Variants in CUX1 observed in about 807,000 individuals in gnomAD.
CUX1 encodes protein CASP.
Under a neutral mutation model 158.8 loss-of-function variants are expected in CUX1, and 31 were observed. The ratio of observed to expected loss-of-function variants is 0.20; its 90% CI spans 0.15 to 0.26. The LOEUF is 0.26. CUX1 is among the 10% of genes least tolerant of loss of function. The pLI, the probability that CUX1 is intolerant of heterozygous loss-of-function variation, is 1.00. For missense variants in CUX1, 1,589 were observed against 2,014.6 expected (o/e 0.79, Z 4.04); for synonymous variants, 879 against 862.1 (o/e 1.02, Z -0.34).
At chr7:102,156,898 G>A (rs183852091) in intron 8 of CUX1, among the ~76,000 whole-genome samples, 3 of 152,196 alleles carry the variant, frequency 2.0e-5, no homozygotes, top group Non-Finnish European at 2.9e-5. Context: ...CTCACAGCGT[G>A]GGCACCCAGT....
Position 102,239,409 on chromosome 7 carries a change from C to T in CUX1, c.3712C>T (p.Pro1238Ser). The part of the protein sequence containing the change: ...VGTEYSQGAS[P>S]QPQHQLKKPR... Reference sequence around the variant, plus strand: ...CACCGAGTACAGCCAGGGCGCCAGCCCCCAGCCCCAGCACCAGCTGAAGAA... The same window carrying T: ...CACCGAGTACAGCCAGGGCGCCAGCTCCCAGCCCCAGCACCAGCTGAAGAA... Residue 1238 changes from proline (P) to serine (S), a missense_variant, in exon 23 of 24, where the codon CCC (proline) becomes TCC (serine). Around this residue, in one of 8 missense-constraint regions of CUX1, gnomAD observed 259 missense variants for 373.8 expected, o/e 0.69. Transcript: ENST00000292535. The T allele has an allele frequency of 2.5e-6, 4 of 1,613,720 alleles. No individual in the cohort carries two copies. The highest frequency in any genetic ancestry group is 2.5e-6 in the Non-Finnish European group (3 of 1,179,948).
At chr7:101,836,456 C>T (rs1794638807) in intron 1 of CUX1, among the ~76,000 whole-genome samples, 2 of 151,896 alleles carry the variant, frequency 1.3e-5, no homozygotes. Context: ...GTTGGTTGCC[C>T]CCGCGGTCCT....
At chr7:102,016,206 C>A (rs10229976) in intron 2 of CUX1, among the ~76,000 whole-genome samples, 1 of 151,722 alleles carries the variant, frequency 6.6e-6, no homozygotes, top group Non-Finnish European at 1.5e-5. Flanking sequence ...CCTTAACCTC[C>A]CAAAGTGCTG....
intron 2 of CUX1, among the ~76,000 whole-genome samples, chr7:102,005,252 C>T (rs1436477336): frequency 2.6e-5 from 4 of 152,194 alleles, no homozygotes; most frequent in Admixed American, 1.3e-4. Context: ...CTGGGCCGGG[C>T]GCGGTGGCTC....
rs528667637 is a variant in CUX1 at position 102,189,005 on chromosome 7, C to T, written c.1018-808C>T. Among the ~76,000 whole-genome samples the T allele has an allele frequency of 3.0e-4, 46 of 152,198 alleles. 1 individual carries two copies. The highest frequency in any genetic ancestry group is 1.1e-3 in the African/African-American group (46 of 41,532). On this transcript the variant is annotated intron_variant, in intron 11 of 23. Coordinates refer to ENST00000292535, the MANE Select transcript of CUX1 (RefSeq NM_181552.4). ...AGGGCCCTCCCCGCAGGACTCAGAC[C>T]AGCTGGCTGTCAGGGAAGCCACCAA...
chr7:102,158,017 TCACCTCCAGTTGGC>T (rs1358269087), intron 8 of CUX1, among the ~76,000 whole-genome samples: 2 of 152,104 alleles, frequency 1.3e-5, no homozygotes, highest in Non-Finnish European at 2.9e-5. Context: ...CCTGCCCTCC[TCACCTCCAGTTGGC>T]CACCTTCTCC....
Position 102,193,758 on chromosome 7 carries a change from C to T in CUX1, c.1077-84C>T, listed in dbSNP as rs868947736. 3.8e-5 allele frequency: 53 copies of T among 1,398,620 alleles called. No individual in the cohort carries two copies. In the Middle Eastern group the frequency reaches 5.3e-4, roughly 14 times the overall value. The allele number at this position is 1,398,620 out of a possible 1,614,324, so 86.6% of individuals were successfully genotyped here. The stretch of plus-strand genomic sequence containing the variant: ...CAGAGGTTGCAGTGAGCCAATATCG[C>T]GCCACTGCACTCTAGCCTGGGTGAC... On this transcript the variant is annotated intron_variant, in intron 12 of 23. Coordinates refer to ENST00000292535, the MANE Select transcript of CUX1 (RefSeq NM_181552.4).
chr7:102,280,321 G>C (rs1791967165), intron 19 of CUX1, among the ~76,000 whole-genome samples: 1 of 152,094 alleles, frequency 6.6e-6, no homozygotes, highest in South Asian at 2.1e-4. Flanking sequence ...GCCCCCCCAA[G>C]ACAGCCTCCC....
chr7:102,275,023 G>A (rs1161688839), intron 16 of CUX1, among the ~76,000 whole-genome samples: 2 of 152,166 alleles, frequency 1.3e-5, no homozygotes, highest in Non-Finnish European at 2.9e-5. Flanking sequence ...CCCAGCGTGC[G>A]TATTGTCAGG....
intron 20 of CUX1, among the ~76,000 whole-genome samples, chr7:102,225,580 T>C (rs1798263805): frequency 6.6e-6 from 1 of 152,138 alleles, no homozygotes; most frequent in African/African-American, 2.4e-5. Flanking sequence ...AGTAAGACCC[T>C]TGGCCAGGCA....
intron 2 of CUX1, among the ~76,000 whole-genome samples, chr7:102,020,499 C>CGT (rs1819211615): frequency 6.6e-6 from 1 of 152,202 alleles, no homozygotes; most frequent in Admixed American, 6.5e-5. Flanking sequence ...AGCTATCTAA[C>CGT]GTGACATCCA....
intron 16 of CUX1, among the ~76,000 whole-genome samples, 168 bp from the exon 17 acceptor site, chr7:102,199,903 C>T (rs947464469): frequency 6.6e-6 from 1 of 152,254 alleles, no homozygotes; most frequent in African/African-American, 2.4e-5. Flanking sequence ...TGCCCGGTGT[C>T]GCTGTGAAGT....
exon 18 of CUX1, chr7:102,278,008 C>T (rs1554548136): frequency 7.5e-6 from 12 of 1,608,352 alleles, no homozygotes; most frequent in East Asian, 2.2e-5. Flanking sequence ...ACAGCCTGCG[C>T]GCCGACAACA....
intron 23 of CUX1, among the ~76,000 whole-genome samples, chr7:102,241,710 G>A (rs1349845567): frequency 4.6e-5 from 7 of 152,248 alleles, no homozygotes; most frequent in African/African-American, 1.2e-4. Context: ...AGAACTGAGC[G>A]CACCTGCTAC....
intron 3 of CUX1, among the ~76,000 whole-genome samples, chr7:102,050,197 C>T (rs1406298705): frequency 1.3e-5 from 2 of 152,176 alleles, no homozygotes; most frequent in Non-Finnish European, 2.9e-5. Flanking sequence ...GCCAGCGTGA[C>T]CTTGAATATC....
chr7:102,120,544 T>C (rs1299987868), intron 8 of CUX1, among the ~76,000 whole-genome samples: 5 of 152,248 alleles, frequency 3.3e-5, no homozygotes, highest in African/African-American at 1.2e-4. Flanking sequence ...TACACATACT[T>C]ACATAGTACG....
At position 102,250,520 on chromosome 7, in the gene CUX1, G is replaced by A. The variant is rs1801393194; in HGVS notation, c.*1478G>A. ...ACTGATGACCCTGTTGAACTCGTGG[G>A]AAACTTCCTTTCTCTGCAGGAGAGA... On this transcript the variant is annotated 3_prime_UTR_variant, in exon 24 of 24. Coordinates refer to ENST00000292535, the MANE Select transcript of CUX1 (RefSeq NM_181552.4). 3 of 985,434 alleles carry A rather than the reference G, an allele frequency of 3.0e-6. No homozygotes were observed. In the South Asian group the frequency reaches 1.4e-4, roughly 46 times the overall value. 61.0% of individuals were successfully genotyped at this position (985,434 alleles called of 1,614,324 possible). A position where few individuals can be genotyped will look rare whatever the true frequency, so the allele number is the denominator to read the frequency against.
Position 101,869,963 on chromosome 7 carries a change from C to T in CUX1, c.31-46152C>T, listed in dbSNP as rs1399650533. Among the ~76,000 whole-genome samples, 1 of 151,998 alleles carries T rather than the reference C, an allele frequency of 6.6e-6. No individual in the cohort carries two copies. On this transcript the variant is annotated intron_variant, in intron 1 of 23. Coordinates refer to ENST00000292535, the MANE Select transcript of CUX1 (RefSeq NM_181552.4). The surrounding 1 kb of genome is among the most constrained non-coding windows in gnomAD (Gnocchi z 4.5). ...ACCACCACCCTTGGGAAGGCGGCTC[C>T]TCGTGCCCCCCCTCTTGTGCCTTCC...
intron 1 of CUX1, among the ~76,000 whole-genome samples, chr7:101,826,338 A>G (rs1793295403): frequency 6.6e-6 from 1 of 151,746 alleles, no homozygotes; most frequent in East Asian, 1.9e-4. Flanking sequence ...AGCTGGGACT[A>G]TAGGCATGCA....
Sources: gnomAD v4.1 joint callset for allele counts (sites outside exome capture counted in the v4.1 genomes callset) on GRCh38, gnomAD v4.1.1 for gene constraint, gnomAD v4.1.1 regional missense constraint, Gnocchi (gnomAD v3.1) non-coding constraint, MANE v1.5 for transcripts, NCBI Gene and HGNC (gene_info 2026-07-23, HGNC 2026-07-21) for gene names.